KIAA1958: variants seen among roughly 807,000 people sequenced by gnomAD.
KIAA1958 encodes uncharacterized protein KIAA1958.
Under a neutral mutation model 47.2 loss-of-function variants are expected in KIAA1958, and 14 were observed. The ratio of observed to expected loss-of-function variants is 0.30; its 90% CI spans 0.20 to 0.46. The LOEUF (loss-of-function observed/expected upper bound fraction) is 0.46, where lower values mean the gene tolerates loss of function less well. Among genes scored for constraint, KIAA1958 ranks in the 20% least tolerant of loss-of-function variants. The pLI is 1.00. For synonymous variants in KIAA1958, 354 were observed against 353.3 expected, an observed-to-expected ratio of 1.00 and a Z score of -0.02; for missense variants, 803 against 909.2, an observed-to-expected ratio of 0.88 and a Z score of 1.50.
chr9:112,595,676 TAAAAA>T (rs57064581), intron 2 of KIAA1958, among the ~76,000 whole-genome samples: 1 of 133,536 alleles, frequency 7.5e-6, no homozygotes, highest in African/African-American at 2.8e-5. Context: ...AGACTCCATC[TAAAAA>T]AAAAAAAAAA....
At chr9:112,499,470 G>C (rs1001051436) in intron 1 of KIAA1958, among the ~76,000 whole-genome samples, 2 of 152,010 alleles carry the variant, frequency 1.3e-5, no homozygotes, top group Non-Finnish European at 2.9e-5. Flanking sequence ...TGTAGTCTTA[G>C]AAATATTTTC....
At chr9:112,503,313 A>G (rs547767796) in intron 1 of KIAA1958, among the ~76,000 whole-genome samples, 1 of 152,154 alleles carries the variant, frequency 6.6e-6, no homozygotes, top group South Asian at 2.1e-4. Flanking sequence ...AACGGCAAGC[A>G]CAAAGGGTCA....
intron 2 of KIAA1958, among the ~76,000 whole-genome samples, chr9:112,592,421 G>A (rs1835940445): frequency 6.6e-6 from 1 of 152,120 alleles, no homozygotes; most frequent in African/African-American, 2.4e-5. Flanking sequence ...AGACTGCTTG[G>A]TTTCAACACT....
chr9:112,586,441 G>T (rs1455715626), intron 2 of KIAA1958, among the ~76,000 whole-genome samples: 1 of 152,090 alleles, frequency 6.6e-6, no homozygotes, highest in Non-Finnish European at 1.5e-5. Flanking sequence ...AAGTAGAAAG[G>T]CAGATTGCTC....
intron 1 of KIAA1958, among the ~76,000 whole-genome samples, chr9:112,553,760 T>C (rs1835196212): frequency 6.6e-6 from 1 of 152,224 alleles, no homozygotes; most frequent in African/African-American, 2.4e-5. Flanking sequence ...ACAGTGTTGA[T>C]AATGAGTACC....
intron 1 of KIAA1958, among the ~76,000 whole-genome samples, chr9:112,562,009 C>G (rs1403284786): frequency 1.3e-5 from 2 of 152,128 alleles, no homozygotes; most frequent in African/African-American, 4.8e-5. Context: ...TATAATGTTG[C>G]TTTAAATTTA....
chr9:112,495,936 T>C (rs1487857789), intron 1 of KIAA1958, among the ~76,000 whole-genome samples: 1 of 152,152 alleles, frequency 6.6e-6, no homozygotes, highest in African/African-American at 2.4e-5. Context: ...TAGGAGAGGT[T>C]ACTTGGAAGA....
intron 2 of KIAA1958, among the ~76,000 whole-genome samples, chr9:112,608,737 GC>G (rs1836276652): frequency 6.6e-6 from 1 of 152,090 alleles, no homozygotes; most frequent in Non-Finnish European, 1.5e-5. Flanking sequence ...GTTGCAGTGA[GC>G]CGTGATCAAG....
chr9:112,506,740 G>C (rs1196009278), intron 1 of KIAA1958, among the ~76,000 whole-genome samples: 1 of 151,058 alleles, frequency 6.6e-6, no homozygotes, highest in Non-Finnish European at 1.5e-5. Flanking sequence ...CTGGATAAAT[G>C]CAGATAGAGT....
chr9:112,632,204 CATATAAAAATTGG>C (rs1836722422), intron 2 of KIAA1958, among the ~76,000 whole-genome samples: 1 of 151,976 alleles, frequency 6.6e-6, no homozygotes, highest in Non-Finnish European at 1.5e-5. Context: ...TTTTATTTTT[CATATAAAAATTGG>C]AATTTTGCTA....
intron 1 of KIAA1958, among the ~76,000 whole-genome samples, chr9:112,568,824 G>A (rs949139721): frequency 6.7e-6 from 1 of 149,570 alleles, no homozygotes; most frequent in Non-Finnish European, 1.5e-5. Flanking sequence ...GGGGGCAGAG[G>A]TTACAGTGAG....
chr9:112,647,449 G>A (rs772163911), intron 3 of KIAA1958, among the ~76,000 whole-genome samples: 2 of 150,748 alleles, frequency 1.3e-5, no homozygotes, highest in Non-Finnish European at 2.9e-5. Context: ...ATATGTGCTC[G>A]TTAAAAAAAA....
At chr9:112,540,370 A>T (rs550302690) in intron 1 of KIAA1958, among the ~76,000 whole-genome samples, 1 of 152,238 alleles carries the variant, frequency 6.6e-6, no homozygotes, top group South Asian at 2.1e-4. Context: ...AATTACATAT[A>T]TACACATATG....
chr9:112,610,345 G>A (rs908511336), intron 2 of KIAA1958, among the ~76,000 whole-genome samples: 46 of 151,742 alleles, frequency 3.0e-4, no homozygotes, highest in African/African-American at 1.0e-3. Context: ...AGGAAAGATA[G>A]TTAACAAAAA....
At chr9:112,495,937 A>G (rs1834045237) in intron 1 of KIAA1958, among the ~76,000 whole-genome samples, 3 of 152,152 alleles carry the variant, frequency 2.0e-5, no homozygotes, top group Admixed American at 2.0e-4. Flanking sequence ...AGGAGAGGTT[A>G]CTTGGAAGAG....
At chr9:112,552,582 A>G (rs139262927) in intron 1 of KIAA1958, among the ~76,000 whole-genome samples, 2 of 152,332 alleles carry the variant, frequency 1.3e-5, no homozygotes, top group South Asian at 2.1e-4. Context: ...TGAAACAGTG[A>G]TGCTTAATGT....
At position 112,660,109 on chromosome 9, in the gene KIAA1958, G is replaced by A. The variant is rs761246676; in HGVS notation, c.*40G>A. The A allele has an allele frequency of 4.5e-5, 71 of 1,566,726 alleles. No homozygotes were observed. The Middle Eastern group carries it at 2.5e-3, about 55-fold the overall frequency. ...CCGGCCACTGCCCTGTCACCTGCTC[G>A]GGCCAGCCAGGGTTGGAGCAGCTGG... On this transcript the variant is annotated 3_prime_UTR_variant, in exon 4 of 4. Transcript: ENST00000337530.
intron 2 of KIAA1958, among the ~76,000 whole-genome samples, chr9:112,623,356 A>G (rs1356942915): frequency 2.6e-5 from 4 of 152,206 alleles, no homozygotes. Context: ...AGAAAAGTCA[A>G]ATGGCTTGCC....
chr9:112,570,998 A>G (rs1835523802), intron 1 of KIAA1958, among the ~76,000 whole-genome samples: 1 of 152,238 alleles, frequency 6.6e-6, no homozygotes, highest in South Asian at 2.1e-4. Context: ...GCAGCGAAAA[A>G]GAAGCCTATG....
Sources: gnomAD v4.1 joint callset for allele counts (sites outside exome capture counted in the v4.1 genomes callset) on GRCh38, gnomAD v4.1.1 for gene constraint, MANE v1.5 for transcripts, NCBI Gene and HGNC (gene_info 2026-07-23, HGNC 2026-07-21) for gene names.